Variants in ALK observed in about 807,000 individuals in gnomAD.
ALK encodes ALK receptor tyrosine kinase.
In ALK, 74 loss-of-function variants were observed where a neutral mutation model predicts 163.1. That is an observed-to-expected ratio of 0.45 (90% confidence interval 0.38 to 0.55). ALK has a LOEUF of 0.55. ALK is among the 20% of genes least tolerant of loss of function. The pLI is 0.00. For missense variants in ALK, 2,063 were observed against 2,105.3 expected, an observed-to-expected ratio of 0.98 and a Z score of 0.39; for synonymous variants, 960 against 843.2, an observed-to-expected ratio of 1.14 and a Z score of -2.40.
chr2:29,588,230 T>C (rs1674944374), intron 3 of ALK, among the ~76,000 whole-genome samples: 2 of 152,022 alleles, frequency 1.3e-5, no homozygotes, highest in Non-Finnish European at 2.9e-5. Context: ...GAAAAATTTT[T>C]TATTTTTATT....
chr2:29,532,352 G>A (rs1245133086), intron 3 of ALK, among the ~76,000 whole-genome samples: 2 of 152,152 alleles, frequency 1.3e-5, no homozygotes, highest in Non-Finnish European at 2.9e-5. Flanking sequence ...GGCAGACCAA[G>A]GTTCGAACCT....
At chr2:29,720,103 C>A (rs113669594) in intron 1 of ALK, among the ~76,000 whole-genome samples, 2 of 151,882 alleles carry the variant, frequency 1.3e-5, no homozygotes, top group Non-Finnish European at 2.9e-5. Context: ...ATGTGAGGAA[C>A]CAAGCAGATG....
At chr2:29,434,855 A>G (rs748837137) in intron 4 of ALK, among the ~76,000 whole-genome samples, 22 of 152,314 alleles carry the variant, frequency 1.4e-4, no homozygotes, top group Admixed American at 5.2e-4. Context: ...TGGGGAATCC[A>G]TTTGCAAGAG....
intron 4 of ALK, among the ~76,000 whole-genome samples, chr2:29,440,382 T>A (rs1670510406): frequency 6.7e-6 from 1 of 148,490 alleles, no homozygotes; most frequent in Admixed American, 6.8e-5. Flanking sequence ...AGTGGTGCGA[T>A]CTCCGCTCAC....
At chr2:29,674,364 A>T (rs1235482502) in intron 3 of ALK, among the ~76,000 whole-genome samples, 2 of 151,722 alleles carry the variant, frequency 1.3e-5, no homozygotes, top group East Asian at 1.9e-4. Flanking sequence ...TACCTAATTT[A>T]TTGGGAGTTT....
chr2:29,315,164 C>T (rs976069162), intron 8 of ALK, among the ~76,000 whole-genome samples: 12 of 151,580 alleles, frequency 7.9e-5, no homozygotes, highest in African/African-American at 4.9e-5. Flanking sequence ...TGTGGCTGGG[C>T]GAGGCAGAGG....
chr2:29,427,649 A>G (rs1670177152), intron 4 of ALK, among the ~76,000 whole-genome samples: 1 of 151,110 alleles, frequency 6.6e-6, no homozygotes, highest in Non-Finnish European at 1.5e-5. Flanking sequence ...AGAACAAAAG[A>G]CATGAGACAT....
chr2:29,671,313 G>A (rs1558434886), intron 3 of ALK, among the ~76,000 whole-genome samples: 1 of 152,074 alleles, frequency 6.6e-6, no homozygotes, highest in Admixed American at 6.6e-5. Context: ...AGGCTGGCTA[G>A]CAGTTTGTGC....
Position 29,452,407 on chromosome 2 carries a change from G to A in ALK, c.1155-68548C>T, listed in dbSNP as rs114428262. Among the ~76,000 whole-genome samples, 296 of 149,916 alleles carry A rather than the reference G, an allele frequency of 2.0e-3. 1 individual carries two copies. Among genetic ancestry groups the A allele is most frequent in the African/African-American group, 6.8e-3 (276 of 40,518 alleles). On this transcript the variant is annotated intron_variant, in intron 4 of 28. Transcript: ENST00000389048. ...TCTTTAGAGAGGACTTCCTTGATGT[G>A]CCCTCTAAAGTAGACCTCTTTGCTC... is the stretch of plus-strand genomic sequence containing the variant.
At chr2:29,583,547 A>C (rs1203563025) in intron 3 of ALK, among the ~76,000 whole-genome samples, 1 of 121,162 alleles carries the variant, frequency 8.3e-6, no homozygotes. Context: ...TCTTGATCTC[A>C]GTTTCTGGAC....
intron 9 of ALK, among the ~76,000 whole-genome samples, chr2:29,284,277 G>A (rs1233942347): frequency 6.6e-6 from 1 of 152,136 alleles, no homozygotes; most frequent in Non-Finnish European, 1.5e-5. Flanking sequence ...TCTGCATAGA[G>A]GTAAGGGTGG....
rs553061699 is a variant in ALK, at chr2:29,274,740, T to C, written c.2041+359A>G. ...AACCTTGGCCAGGCCCAGCCCTCTT[T>C]ATAAGGAGGAGAAATCTTACAGTAA... On this transcript the variant is annotated intron_variant, in intron 11 of 28. Coordinates refer to ENST00000389048, the MANE Select transcript of ALK (RefSeq NM_004304.5). Among the ~76,000 whole-genome samples, 3 of 152,344 alleles carry C rather than the reference T, an allele frequency of 2.0e-5. No homozygotes were observed. In the South Asian group the frequency reaches 6.2e-4, roughly 32 times the overall value.
At chr2:29,849,616 T>G (rs1251880025) in intron 1 of ALK, among the ~76,000 whole-genome samples, 1 of 152,196 alleles carries the variant, frequency 6.6e-6, no homozygotes, top group Non-Finnish European at 1.5e-5. Context: ...CAAGAAACAT[T>G]TACCAAGTGT....
chr2:29,432,914 T>C (rs1282392361), intron 4 of ALK, among the ~76,000 whole-genome samples: 1 of 152,176 alleles, frequency 6.6e-6, no homozygotes, highest in Non-Finnish European at 1.5e-5. Flanking sequence ...CCAGCTCTCA[T>C]ACTTACTAGC....
chr2:29,240,045 TAAG>T (rs1163046489), intron 12 of ALK, among the ~76,000 whole-genome samples: 1 of 149,928 alleles, frequency 6.7e-6, no homozygotes, highest in East Asian at 2.0e-4. Flanking sequence ...GTCACAGAAC[TAAG>T]AAGGTGAAAG....
chr2:29,763,573 T>C (rs1680774396), intron 1 of ALK, among the ~76,000 whole-genome samples: 1 of 151,202 alleles, frequency 6.6e-6, no homozygotes, highest in African/African-American at 2.5e-5. Flanking sequence ...CCCCCACATT[T>C]ATGGGCCACT....
intron 2 of ALK, among the ~76,000 whole-genome samples, chr2:29,715,550 C>T (rs887176399): frequency 2.0e-5 from 3 of 152,184 alleles, no homozygotes; most frequent in African/African-American, 7.2e-5. Context: ...ATGATTTTCT[C>T]CTTTTGACCT....
At chr2:29,258,146 T>G (rs975035556) in intron 11 of ALK, among the ~76,000 whole-genome samples, 12 of 152,176 alleles carry the variant, frequency 7.9e-5, no homozygotes, top group Non-Finnish European at 2.9e-5. Flanking sequence ...TATTTTCTCG[T>G]TTTGAAGAAA....
intron 1 of ALK, among the ~76,000 whole-genome samples, chr2:29,771,365 G>A (rs1681017831): frequency 6.6e-6 from 1 of 152,166 alleles, no homozygotes; most frequent in Non-Finnish European, 1.5e-5. Flanking sequence ...CATAGGACAA[G>A]TTCTAATCAA....
Sources: gnomAD v4.1 joint callset for allele counts (sites outside exome capture counted in the v4.1 genomes callset) on GRCh38, gnomAD v4.1.1 for gene constraint, MANE v1.5 for transcripts, NCBI Gene and HGNC (gene_info 2026-07-23, HGNC 2026-07-21) for gene names.